The following TRIM33 variants were observed in gnomAD, a reference collection of about 807,000 sequenced individuals.
The protein encoded by TRIM33 is tripartite motif containing 33, also known as E3 ubiquitin-protein ligase TRIM33.
A neutral mutation model predicts 125.4 loss-of-function variants in TRIM33; 20 were observed. The ratio of observed to expected loss-of-function variants is 0.16; its 90% confidence interval spans 0.11 to 0.23. TRIM33 has a LOEUF of 0.23. TRIM33 is among the 10% of genes least tolerant of loss of function. The pLI is 1.00. For missense variants in TRIM33, 920 were observed against 1,411.4 expected (o/e 0.65, Z 5.58); for synonymous variants, 564 against 513.9 (o/e 1.10, Z -1.32).
At chr1:114,405,974 TCTCA>T (rs1337641698) in intron 14 of TRIM33, among the ~76,000 whole-genome samples, 3 of 152,222 alleles carry the variant, frequency 2.0e-5, no homozygotes, top group African/African-American at 7.2e-5. Context: ...TCTGATAATG[TCTCA>T]CTCAAATAAT....
chr1:114,422,381 G>C (rs1009159338), intron 10 of TRIM33, among the ~76,000 whole-genome samples: 4 of 152,052 alleles, frequency 2.6e-5, no homozygotes, highest in Non-Finnish European at 2.9e-5. Context: ...AGGTGTACTT[G>C]GCCCCTAGAA....
intron 1 of TRIM33, among the ~76,000 whole-genome samples, chr1:114,490,037 GC>G (rs1651954792): frequency 7.6e-6 from 1 of 131,508 alleles, no homozygotes; most frequent in Non-Finnish European, 1.5e-5. Flanking sequence ...GATTGTTAGG[GC>G]CCAGAAGTTC....
intron 11 of TRIM33, among the ~76,000 whole-genome samples, chr1:114,419,200 C>CAAAAAAAAAAAAAAAAAA (rs35757503): frequency 3.7e-5 from 2 of 54,306 alleles, no homozygotes; most frequent in African/African-American, 6.2e-5. Flanking sequence ...GACACCATCT[C>CAAAAAAAAAAAAAAAAAA]AAAAAAAAAA....
At chr1:114,466,945 C>T (rs975724046) in intron 1 of TRIM33, among the ~76,000 whole-genome samples, 1 of 152,152 alleles carries the variant, frequency 6.6e-6, no homozygotes, top group African/African-American at 2.4e-5. Flanking sequence ...GTATTTAGTC[C>T]TCATAGCAGC....
chr1:114,425,987 G>A (rs960626632), intron 8 of TRIM33, among the ~76,000 whole-genome samples: 2 of 152,062 alleles, frequency 1.3e-5, no homozygotes, highest in African/African-American at 4.8e-5. Context: ...AGAAAATTAA[G>A]ACAGTAAAAG....
At chr1:114,470,633 G>A (rs1412844177) in intron 1 of TRIM33, among the ~76,000 whole-genome samples, 1 of 133,330 alleles carries the variant, frequency 7.5e-6, no homozygotes, top group Non-Finnish European at 1.6e-5. Context: ...GCATGACTTG[G>A]TCAATAACAA....
chr1:114,418,734 A>G (rs1653088474), intron 11 of TRIM33, among the ~76,000 whole-genome samples: 1 of 152,096 alleles, frequency 6.6e-6, no homozygotes, highest in Non-Finnish European at 1.5e-5. Flanking sequence ...GGTTTCTCGC[A>G]TGTCTGACAC....
At chr1:114,486,242 C>A (rs1651677296) in intron 1 of TRIM33, among the ~76,000 whole-genome samples, 1 of 152,086 alleles carries the variant, frequency 6.6e-6, no homozygotes, top group South Asian at 2.1e-4. Context: ...CAACACTGAA[C>A]CCCAGCCTGG....
intron 1 of TRIM33, among the ~76,000 whole-genome samples, chr1:114,476,503 CAG>C (rs982765570): frequency 6.7e-6 from 1 of 149,114 alleles, no homozygotes; most frequent in African/African-American, 2.6e-5. Flanking sequence ...TTTAAAAAAA[CAG>C]AAGTATGAGA....
At chr1:114,481,593 A>C (rs1455760476) in intron 1 of TRIM33, among the ~76,000 whole-genome samples, 3 of 151,922 alleles carry the variant, frequency 2.0e-5, no homozygotes, top group African/African-American at 7.2e-5. Context: ...ACTGTCCGAA[A>C]AAAAACCCAA....
chr1:114,442,918 A>AT (rs200349495), intron 4 of TRIM33, among the ~76,000 whole-genome samples: 5,678 of 152,036 alleles, frequency 0.037, 118 homozygotes, highest in South Asian at 0.063. Flanking sequence ...GCATCAATAT[A>AT]TTTTTTTAAA....
At chr1:114,431,875 T>A (rs1043248890) in intron 5 of TRIM33, among the ~76,000 whole-genome samples, 8 of 152,174 alleles carry the variant, frequency 5.3e-5, no homozygotes, top group Non-Finnish European at 1.2e-4. Flanking sequence ...TAACTAGTGA[T>A]AAGAAATATA....
chr1:114,480,475 T>TAAA (rs1651251238), intron 1 of TRIM33, among the ~76,000 whole-genome samples: 3 of 83,898 alleles, frequency 3.6e-5, no homozygotes, highest in East Asian at 2.3e-4. Flanking sequence ...AATGATCAAT[T>TAAA]TAAAAAAAAA....
intron 11 of TRIM33, among the ~76,000 whole-genome samples, chr1:114,418,045 C>A (rs1017112867): frequency 2.0e-5 from 3 of 152,216 alleles, no homozygotes; most frequent in African/African-American, 7.2e-5. Flanking sequence ...TATAAAGATA[C>A]TACCTGAGAC....
intron 6 of TRIM33, among the ~76,000 whole-genome samples, 199 bp downstream of exon 6, chr1:114,430,599 A>C (rs1246041500): frequency 6.6e-6 from 1 of 152,210 alleles, no homozygotes; most frequent in Non-Finnish European, 1.5e-5. Context: ...GTATACAGCT[A>C]AAGTCAGTGT....
intron 1 of TRIM33, among the ~76,000 whole-genome samples, chr1:114,475,396 C>T (rs1650914629): frequency 6.6e-6 from 1 of 152,090 alleles, no homozygotes; most frequent in African/African-American, 2.4e-5. Context: ...AAGGATAAGT[C>T]TTAGGCTAGG....
At chr1:114,502,315 G>C (rs962802014) in intron 1 of TRIM33, among the ~76,000 whole-genome samples, 3 of 152,012 alleles carry the variant, frequency 2.0e-5, no homozygotes, top group African/African-American at 7.3e-5. Context: ...AACAGAGCAG[G>C]GCTCAAACTT....
intron 1 of TRIM33, among the ~76,000 whole-genome samples, chr1:114,465,610 G>C (rs1650245204): frequency 1.3e-5 from 2 of 151,594 alleles, no homozygotes; most frequent in Admixed American, 6.6e-5. Flanking sequence ...AGGCCAGCCT[G>C]GACAACATAG....
intron 10 of TRIM33, 70 bp from the exon 11 acceptor site, chr1:114,421,706 A>T: frequency 6.7e-7 from 1 of 1,486,102 alleles, no homozygotes; most frequent in African/African-American, 1.4e-5. Flanking sequence ...TACCTTTATA[A>T]TTTTTAGTTT....
Sources: gnomAD v4.1 joint callset for allele counts (sites outside exome capture counted in the v4.1 genomes callset) on GRCh38, gnomAD v4.1.1 for gene constraint, MANE v1.5 for transcripts, NCBI Gene and HGNC (gene_info 2026-07-23, HGNC 2026-07-21) for gene names.